The following LAMA2 variants were observed in gnomAD, a reference collection of about 807,000 sequenced individuals.
LAMA2 encodes laminin subunit alpha 2, also known as laminin subunit alpha-2.
Under a neutral mutation model 364.8 loss-of-function variants are expected in LAMA2, and 269 were observed. The observed-to-expected ratio is 0.74, with a 90% CI of 0.67 to 0.82. LAMA2 has a LOEUF of 0.82. Ranked by LOEUF, LAMA2 falls within the 40% of genes least tolerant of loss-of-function variation. The probability of loss-of-function intolerance (pLI) is 0.00; values close to 1 mark genes in which losing one functional copy is unlikely to be tolerated. For missense variants in LAMA2, 3,807 were observed against 3,873.2 expected (o/e 0.98, Z 0.45); for synonymous variants, 1,379 against 1,370.6 (o/e 1.01, Z -0.14).
chr6:129,166,483 A>G (rs1006751167), intron 9 of LAMA2, among the ~76,000 whole-genome samples: 1 of 152,140 alleles, frequency 6.6e-6, no homozygotes, highest in Non-Finnish European at 1.5e-5. Flanking sequence ...TGCTTTCTTT[A>G]TAAAACTGTA....
intron 5 of LAMA2, among the ~76,000 whole-genome samples, chr6:129,146,559 A>G (rs951059373): frequency 2.0e-5 from 3 of 152,022 alleles, no homozygotes; most frequent in Non-Finnish European, 4.4e-5. Context: ...CAGTGTGCGT[A>G]TGATTTGTGA....
At chr6:129,330,565 T>C (rs945353181) in intron 29 of LAMA2, among the ~76,000 whole-genome samples, 9 of 151,250 alleles carry the variant, frequency 6.0e-5, no homozygotes, top group Non-Finnish European at 1.2e-4. Context: ...CTGGTCTCCA[T>C]TTGAAGCGTT....
intron 24 of LAMA2, among the ~76,000 whole-genome samples, chr6:129,315,134 G>C (rs1267828844): frequency 6.6e-6 from 1 of 152,130 alleles, no homozygotes; most frequent in African/African-American, 2.4e-5. Flanking sequence ...TGAGAACCAG[G>C]ACTTGTCACA....
chr6:128,889,486 A>C (rs1056379772), intron 1 of LAMA2, among the ~76,000 whole-genome samples: 157 of 152,242 alleles, frequency 1.0e-3, no homozygotes, highest in African/African-American at 3.6e-3. Context: ...GGCCTAATTT[A>C]ATTCTGTCAT....
chr6:129,021,382 C>T (rs1300902707), intron 1 of LAMA2, among the ~76,000 whole-genome samples: 1 of 152,032 alleles, frequency 6.6e-6, no homozygotes, highest in African/African-American at 2.4e-5. Context: ...CTAAAATTAG[C>T]CTTTCATTGA....
chr6:129,328,241 T>C, intron 28 of LAMA2, 37 bp from the exon 29 acceptor site: 1 of 1,582,190 alleles, frequency 6.3e-7, no homozygotes. Context: ...GCAGTATTTC[T>C]AACTTTGCTG....
chr6:129,297,161 A>G (rs1476567287), intron 20 of LAMA2, among the ~76,000 whole-genome samples: 1 of 152,200 alleles, frequency 6.6e-6, no homozygotes, highest in African/African-American at 2.4e-5. Context: ...TATAATGTGA[A>G]CACTATAGCA....
chr6:129,440,524 G>A (rs546511439), intron 42 of LAMA2, among the ~76,000 whole-genome samples: 7 of 151,912 alleles, frequency 4.6e-5, no homozygotes, highest in African/African-American at 9.7e-5. Context: ...AATTTATCTC[G>A]TGAATAAGTT....
chr6:129,418,821 A>C (rs1193695566), intron 40 of LAMA2, among the ~76,000 whole-genome samples: 1 of 152,168 alleles, frequency 6.6e-6, no homozygotes, highest in Non-Finnish European at 1.5e-5. Context: ...TAATTCCTAT[A>C]ATAAATATAG....
chr6:129,136,206 C>G (rs183613683), intron 4 of LAMA2, among the ~76,000 whole-genome samples: 1 of 152,090 alleles, frequency 6.6e-6, no homozygotes, highest in East Asian at 1.9e-4. Context: ...GGGCATGTTT[C>G]AGATGAAACT....
At chr6:129,471,556 T>C (rs1006761457) in intron 51 of LAMA2, among the ~76,000 whole-genome samples, 6 of 151,906 alleles carry the variant, frequency 3.9e-5, no homozygotes, top group African/African-American at 1.4e-4. Flanking sequence ...GAGACTATTT[T>C]CATCTTCCAG....
intron 34 of LAMA2, among the ~76,000 whole-genome samples, chr6:129,373,587 C>A (rs1255577228): frequency 6.6e-6 from 1 of 151,960 alleles, no homozygotes; most frequent in East Asian, 1.9e-4. Context: ...TTTCAGGATC[C>A]CATGCAGGAT....
chr6:129,336,178 G>C (rs1390379017), intron 29 of LAMA2, among the ~76,000 whole-genome samples: 1 of 152,144 alleles, frequency 6.6e-6, no homozygotes, highest in East Asian at 1.9e-4. Flanking sequence ...GGTTCACTTT[G>C]TCAGAGGCAA....
intron 38 of LAMA2, among the ~76,000 whole-genome samples, chr6:129,402,022 A>G (rs1240915115): frequency 6.6e-6 from 1 of 152,070 alleles, no homozygotes; most frequent in African/African-American, 2.4e-5. Flanking sequence ...AGCCTGGGCA[A>G]CATGGCGAAA....
intron 35 of LAMA2, among the ~76,000 whole-genome samples, chr6:129,390,435 C>T (rs924882194): frequency 2.0e-5 from 3 of 152,010 alleles, no homozygotes; most frequent in African/African-American, 4.8e-5. Flanking sequence ...CAGTGCAAAA[C>T]TCTCTCCAAG....
rs1788629715 is a variant in LAMA2 at position 129,280,217 on chromosome 6, A to G, written c.2537+70A>G. The G allele has an allele frequency of 6.3e-6, 6 of 952,298 alleles. No individual in the cohort carries two copies. In the Admixed American group the frequency reaches 8.9e-5, roughly 14 times the overall value. The allele number at this position is 952,298 out of a possible 1,614,324, so 59.0% of individuals were successfully genotyped here. On this transcript the variant is annotated intron_variant, in intron 18 of 64. Coordinates refer to ENST00000421865, the MANE Select transcript of LAMA2 (RefSeq NM_000426.4). ...GAGTTATAAAACCGCAGATACAATC[A>G]TCCTTTGCATCATCCTTTGGAGAAA...
chr6:129,008,224 T>A (rs1184729623), intron 1 of LAMA2, among the ~76,000 whole-genome samples: 1 of 152,094 alleles, frequency 6.6e-6, no homozygotes, highest in East Asian at 1.9e-4. Flanking sequence ...GCAGAAACTC[T>A]GTGTGCATTT....
intron 1 of LAMA2, among the ~76,000 whole-genome samples, chr6:128,978,308 T>C (rs1336728264): frequency 6.6e-6 from 1 of 152,026 alleles, no homozygotes; most frequent in Non-Finnish European, 1.5e-5. Flanking sequence ...TCTGACCACC[T>C]ACTCTGTGCC....
At chr6:129,242,636 A>T (rs1414295197) in intron 12 of LAMA2, among the ~76,000 whole-genome samples, 1 of 152,156 alleles carries the variant, frequency 6.6e-6, no homozygotes, top group Non-Finnish European at 1.5e-5. Context: ...GAATATTTAC[A>T]CACAAATTAA....
Sources: allele counts gnomAD v4.1 joint callset (sites outside exome capture counted in the v4.1 genomes callset), GRCh38; gene constraint gnomAD v4.1.1; transcripts MANE v1.5; gene names NCBI Gene and HGNC (gene_info 2026-07-23, HGNC 2026-07-21).